CPED1: variants seen among roughly 807,000 people sequenced by gnomAD.
CPED1 encodes cadherin-like and PC-esterase domain-containing protein 1.
In CPED1, 114 loss-of-function variants were observed where a neutral mutation model predicts 128.2. That is an observed-to-expected ratio of 0.89 (90% CI 0.76 to 1.04). CPED1 has a LOEUF of 1.04. CPED1 is among the 50% of genes least tolerant of loss of function. The pLI is 0.00. For synonymous variants in CPED1, 462 were observed against 426.7 expected, an observed-to-expected ratio of 1.08 and a Z score of -1.02; for missense variants, 1,211 against 1,207.1, an observed-to-expected ratio of 1.00 and a Z score of -0.05.
intron 16 of CPED1, among the ~76,000 whole-genome samples, chr7:121,175,785 A>G (rs534518075): frequency 2.6e-5 from 4 of 152,174 alleles, no homozygotes; most frequent in Admixed American, 2.0e-4. Context: ...TTTCAATACA[A>G]CAAGACTGTT....
intron 3 of CPED1, among the ~76,000 whole-genome samples, chr7:121,042,392 TGAGA>T (rs1793082465): frequency 6.6e-6 from 1 of 152,138 alleles, no homozygotes; most frequent in Admixed American, 6.6e-5. Flanking sequence ...TACCAGACAG[TGAGA>T]GAGAAAGGCT....
At chr7:121,291,030 G>T (rs893474375) in intron 22 of CPED1, among the ~76,000 whole-genome samples, 2 of 152,176 alleles carry the variant, frequency 1.3e-5, no homozygotes, top group Non-Finnish European at 2.9e-5. Context: ...TGGCTAGCCA[G>T]TTTTCCCAAC....
At chr7:121,020,218 G>A (rs1196662740) in intron 3 of CPED1, among the ~76,000 whole-genome samples, 1 of 151,974 alleles carries the variant, frequency 6.6e-6, no homozygotes, top group South Asian at 2.1e-4. Context: ...TTTATAACTT[G>A]AGGGTTTAAC....
chr7:121,065,312 A>G (rs1461234786), intron 5 of CPED1, among the ~76,000 whole-genome samples: 1 of 152,206 alleles, frequency 6.6e-6, no homozygotes, highest in Non-Finnish European at 1.5e-5. Flanking sequence ...ATTGTTTTAT[A>G]TGACAATTAT....
chr7:121,224,208 T>C (rs905519828), intron 16 of CPED1, among the ~76,000 whole-genome samples: 1 of 152,084 alleles, frequency 6.6e-6, no homozygotes, highest in African/African-American at 2.4e-5. Context: ...GCCTTCATTT[T>C]GTTATTTACC....
intron 2 of CPED1, among the ~76,000 whole-genome samples, chr7:121,012,240 G>A (rs1792177433): frequency 6.6e-6 from 1 of 152,068 alleles, no homozygotes; most frequent in Admixed American, 6.5e-5. Context: ...TTCAGATTTT[G>A]ACATCCTTTC....
intron 2 of CPED1, among the ~76,000 whole-genome samples, chr7:121,015,233 G>A (rs1379987090): frequency 2.0e-5 from 3 of 152,076 alleles, no homozygotes; most frequent in Non-Finnish European, 4.4e-5. Context: ...TCCTGACCAT[G>A]TCCTTTCAGT....
At chr7:121,002,490 C>A (rs900532176) in intron 2 of CPED1, among the ~76,000 whole-genome samples, 2 of 152,090 alleles carry the variant, frequency 1.3e-5, no homozygotes. Flanking sequence ...TCTGAATAAA[C>A]AGTGAAAACA....
intron 2 of CPED1, among the ~76,000 whole-genome samples, chr7:121,008,177 C>T (rs1480944063): frequency 1.3e-5 from 2 of 152,098 alleles, no homozygotes; most frequent in Non-Finnish European, 2.9e-5. Context: ...CAGTTTTCCT[C>T]ATCTGCCTCC....
At chr7:121,002,677 AAC>A (rs1791892467) in intron 2 of CPED1, among the ~76,000 whole-genome samples, 1 of 152,078 alleles carries the variant, frequency 6.6e-6, no homozygotes. Flanking sequence ...CTTTTAAAAA[AAC>A]AATGATTAAA....
intron 22 of CPED1, among the ~76,000 whole-genome samples, chr7:121,291,613 G>T (rs1394928840): frequency 6.6e-6 from 1 of 152,106 alleles, no homozygotes; most frequent in Non-Finnish European, 1.5e-5. Context: ...TCTATAATTG[G>T]TGTATAGGAA....
intron 5 of CPED1, among the ~76,000 whole-genome samples, chr7:121,069,747 T>C (rs1266526512): frequency 6.6e-6 from 1 of 152,196 alleles, no homozygotes; most frequent in Non-Finnish European, 1.5e-5. Flanking sequence ...TTGCTTTTTA[T>C]TAAGTTTGCT....
chr7:121,270,298 T>C (rs933357635), intron 21 of CPED1, among the ~76,000 whole-genome samples: 5 of 152,172 alleles, frequency 3.3e-5, no homozygotes, highest in Non-Finnish European at 7.4e-5. Flanking sequence ...CTTTGTCAGA[T>C]CCATAGTTTG....
intron 16 of CPED1, among the ~76,000 whole-genome samples, chr7:121,186,777 A>G (rs1324601857): frequency 6.6e-6 from 1 of 152,180 alleles, no homozygotes; most frequent in East Asian, 1.9e-4. Flanking sequence ...CCAATATTTC[A>G]AGTTGGTTAA....
chr7:121,161,238 A>T (rs1467336768), intron 16 of CPED1, among the ~76,000 whole-genome samples: 1 of 152,120 alleles, frequency 6.6e-6, no homozygotes, highest in Non-Finnish European at 1.5e-5. Flanking sequence ...TCTTGTCTGG[A>T]ACCTCTGGGG....
intron 22 of CPED1, among the ~76,000 whole-genome samples, chr7:121,272,783 G>C (rs1792258887): frequency 6.6e-6 from 1 of 152,014 alleles, no homozygotes; most frequent in African/African-American, 2.4e-5. Flanking sequence ...CAAACCCCAA[G>C]AGACATGTGC....
Position 121,098,822 on chromosome 7 carries a change from T to A in CPED1, c.749+991T>A, listed in dbSNP as rs1176793579. Among the ~76,000 whole-genome samples the A allele has an allele frequency of 7.3e-4, 105 of 143,940 alleles. 1 individual carries two copies. Among genetic ancestry groups the A allele is most frequent in the African/African-American group, 2.6e-3 (100 of 39,112 alleles). The allele number at this position is 143,940 out of a possible 152,430, so 94.4% of individuals were successfully genotyped here. The stretch of plus-strand genomic sequence containing the variant: ...TATATAAATATATAAATAATATATA[T>A]ATAAATATATATATAAATATATATG... On this transcript the variant is annotated intron_variant, in intron 6 of 22. Coordinates refer to ENST00000310396, the MANE Select transcript of CPED1 (RefSeq NM_024913.5).
chr7:121,173,117 G>A (rs1796692475), intron 16 of CPED1, among the ~76,000 whole-genome samples: 1 of 152,132 alleles, frequency 6.6e-6, no homozygotes, highest in South Asian at 2.1e-4. Flanking sequence ...CAGTTCTTCA[G>A]TAGTTCTTGT....
chr7:121,175,345 G>A (rs1466783791), intron 16 of CPED1, among the ~76,000 whole-genome samples: 1 of 152,132 alleles, frequency 6.6e-6, no homozygotes, highest in Non-Finnish European at 1.5e-5. Flanking sequence ...GATGTTGGCT[G>A]TGGATCTGTC....
Sources: gnomAD v4.1 joint callset for allele counts (sites outside exome capture counted in the v4.1 genomes callset) on GRCh38, gnomAD v4.1.1 for gene constraint, MANE v1.5 for transcripts, NCBI Gene and HGNC (gene_info 2026-07-23, HGNC 2026-07-21) for gene names.